SCN9A: variants seen among roughly 807,000 people sequenced by gnomAD.
SCN9A encodes the protein sodium voltage-gated channel alpha subunit 9.
SCN9A carries 131 observed loss-of-function variants against 187.0 expected under a neutral mutation model. The observed-to-expected ratio is 0.70, with a 90% CI of 0.61 to 0.81. The LOEUF (loss-of-function observed/expected upper bound fraction) is 0.81, where lower values mean the gene tolerates loss of function less well. Among genes scored for constraint, SCN9A ranks in the 30% least tolerant of loss-of-function variants. The probability of loss-of-function intolerance (pLI) is 0.00; values close to 1 mark genes in which losing one functional copy is unlikely to be tolerated. For missense variants in SCN9A, 2,252 were observed against 2,396.6 expected (o/e 0.94, Z 1.26); for synonymous variants, 809 against 808.6 (o/e 1.00, Z -0.01).
At chr2:166,370,558 A>AAAAAAT in intron 1 of SCN9A, among the ~76,000 whole-genome samples, 1 of 143,996 alleles carries the variant, frequency 6.9e-6, no homozygotes, top group East Asian at 2.0e-4. Flanking sequence ...AATAAAAAAT[A>AAAAAAT]AAAAAAAAAA....
In SCN9A at chr2:166,199,743, C is replaced by A. The variant is rs973063452; in HGVS notation, c.4896G>T (p.Thr1632=). The change falls in exon 27 of 27, where the codon ACG becomes ACT. Residue 1632 remains threonine, a synonymous_variant. Coordinates refer to ENST00000642356, the MANE Select transcript of SCN9A (RefSeq NM_001365536.1). ...RLVKGAKGIR[T]LLFALMMSLP... is the part of the protein sequence containing the mutation. ...GGGACATCATCAAAGCAAAGAGCAG[C>A]GTGCGGATCCCCTTTGCTCCTTTGA... 2.5e-6 allele frequency: 4 copies of A among 1,614,082 alleles called. No individual in the cohort carries two copies. The highest frequency in any genetic ancestry group is 1.7e-5 in the Admixed American group (1 of 60,012).
chr2:166,332,405 T>C (rs1196648251), intron 1 of SCN9A, among the ~76,000 whole-genome samples: 1 of 152,202 alleles, frequency 6.6e-6, no homozygotes, highest in East Asian at 1.9e-4. Flanking sequence ...GTAATCAATA[T>C]CTTTGCTTAA....
At chr2:166,304,031 C>T (rs369022060) in intron 6 of SCN9A, 2 of 1,613,040 alleles carry the variant, frequency 1.2e-6, no homozygotes, top group East Asian at 2.2e-5. Flanking sequence ...CCACTCTCAC[C>T]TGGAATGACT....
chr2:166,286,659 A>G (rs532206317), intron 10 of SCN9A, 36 bp from the exon 11 acceptor site: 6 of 1,463,664 alleles, frequency 4.1e-6, no homozygotes, highest in Middle Eastern at 3.6e-4. Flanking sequence ...TAAATGAGTC[A>G]TTTCCAAATC....
At position 166,198,134 on chromosome 2, in the gene SCN9A, C is replaced by CA. The variant is rs1476799562; in HGVS notation, c.*537dup. 4 of 151,482 alleles carry CA rather than the reference C, an allele frequency of 2.6e-5. No homozygotes were observed. The highest frequency in any genetic ancestry group is 9.9e-5 in the African/African-American group (4 of 40,514). The allele number at this position is 151,482 out of a possible 1,614,324, so 9.4% of individuals were successfully genotyped here. A position where few individuals can be genotyped will look rare whatever the true frequency, so the allele number is the denominator to read the frequency against. ...CAATGTAGAATAAATTTAAGCACCTCAAAATATAGAATAACCTCTGTACAT... is the reference window on the plus strand; with the variant it reads ...CAATGTAGAATAAATTTAAGCACCTCAAAAATATAGAATAACCTCTGTACAT... On this transcript the variant is annotated 3_prime_UTR_variant, in exon 27 of 27. Coordinates refer to ENST00000642356, the MANE Select transcript of SCN9A (RefSeq NM_001365536.1).
At chr2:166,312,212 T>A (rs1260624294) in intron 1 of SCN9A, among the ~76,000 whole-genome samples, 1 of 152,198 alleles carries the variant, frequency 6.6e-6, no homozygotes, top group African/African-American at 2.4e-5. Context: ...TAAACTTATG[T>A]AATATTCTAA....
intron 1 of SCN9A, among the ~76,000 whole-genome samples, chr2:166,357,198 G>A (rs1158476445): frequency 6.6e-6 from 1 of 152,164 alleles, no homozygotes; most frequent in African/African-American, 2.4e-5. Context: ...TCACTTATAA[G>A]TGAGGACATT....
At chr2:166,288,068 T>A (rs1052175066) in intron 10 of SCN9A, among the ~76,000 whole-genome samples, 10 of 143,604 alleles carry the variant, frequency 7.0e-5, no homozygotes, top group Non-Finnish European at 1.5e-4. Context: ...TATAATAATT[T>A]AAAAAAACAC....
At chr2:166,300,889 A>G (rs1698525555) in intron 7 of SCN9A, 1 of 150,392 alleles carries the variant, frequency 6.6e-6, no homozygotes. Context: ...CAAGGGCTCT[A>G]TTATTATTAT....
At chr2:166,349,217 C>G (rs1002650167) in intron 1 of SCN9A, among the ~76,000 whole-genome samples, 4 of 152,164 alleles carry the variant, frequency 2.6e-5, no homozygotes, top group Non-Finnish European at 2.9e-5. Flanking sequence ...CCATCTTATT[C>G]ATCTTTCTAC....
intron 1 of SCN9A, among the ~76,000 whole-genome samples, chr2:166,346,293 A>G (rs1273718892): frequency 5.9e-5 from 9 of 152,210 alleles, no homozygotes; most frequent in African/African-American, 1.4e-4. Context: ...TCCAAATGCA[A>G]TAGCAAAGAT....
intron 1 of SCN9A, among the ~76,000 whole-genome samples, chr2:166,325,709 AT>A (rs1219941290): frequency 6.6e-6 from 1 of 152,134 alleles, no homozygotes; most frequent in Non-Finnish European, 1.5e-5. Flanking sequence ...CTGACTTTTG[AT>A]TTCTGTGTTA....
intron 23 of SCN9A, among the ~76,000 whole-genome samples, chr2:166,227,261 G>A (rs556842261): frequency 1.1e-4 from 16 of 152,154 alleles, no homozygotes; most frequent in Admixed American, 6.6e-5. Flanking sequence ...TTTGATAAGC[G>A]CATATTTACT....
Position 166,369,983 on chromosome 2 carries a change from T to C in SCN9A, c.-51+5714A>G, listed in dbSNP as rs151258913. Among the ~76,000 whole-genome samples the C allele has an allele frequency of 4.9e-3, 744 of 152,182 alleles. 9 individuals are homozygous for C. The highest frequency in any genetic ancestry group is 0.016 in the African/African-American group (676 of 41,532). ...CTGTGCCTGACATAATATTTTATTATCATGAAACATTTTTCTCATTTTTCC... is the reference window on the plus strand; with the variant it reads ...CTGTGCCTGACATAATATTTTATTACCATGAAACATTTTTCTCATTTTTCC... On this transcript the variant is annotated intron_variant, in intron 1 of 26. Transcript: ENST00000642356.
intron 1 of SCN9A, among the ~76,000 whole-genome samples, chr2:166,313,206 G>A (rs7570862): frequency 0.64 from 96,214 of 150,826 alleles, 31,366 homozygotes; most frequent in African/African-American, 0.75. Flanking sequence ...TTTTCTGAAC[G>A]ATAAATTAGC....
At chr2:166,279,983 T>C (rs1271506148) in intron 14 of SCN9A, among the ~76,000 whole-genome samples, 1 of 152,066 alleles carries the variant, frequency 6.6e-6, no homozygotes, top group Non-Finnish European at 1.5e-5. Context: ...AAGCAATACA[T>C]CCATAGGTTT....
chr2:166,366,065 G>A (rs748602707), intron 1 of SCN9A, among the ~76,000 whole-genome samples: 2 of 152,104 alleles, frequency 1.3e-5, no homozygotes, highest in Non-Finnish European at 2.9e-5. Context: ...ACTGCCCTTG[G>A]GATCTCTGCC....
chr2:166,306,063 C>G, intron 4 of SCN9A, 143 bp from the exon 5 acceptor site: 6 of 831,956 alleles, frequency 7.2e-6, no homozygotes, highest in Non-Finnish European at 9.3e-6. Flanking sequence ...CCCTATTAAA[C>G]TACAATAGGT....
chr2:166,292,601 C>T (rs1284610508), intron 9 of SCN9A, among the ~76,000 whole-genome samples: 1 of 152,048 alleles, frequency 6.6e-6, no homozygotes, highest in Admixed American at 6.6e-5. Flanking sequence ...TCATTTTGGT[C>T]TCCTTCCTTT....
Sources: gnomAD v4.1 joint callset for allele counts (sites outside exome capture counted in the v4.1 genomes callset) on GRCh38, gnomAD v4.1.1 for gene constraint, MANE v1.5 for transcripts, NCBI Gene and HGNC (gene_info 2026-07-23, HGNC 2026-07-21) for gene names.